Variants in GGT5 observed in about 807,000 individuals in gnomAD.
GGT5 encodes the protein glutathione hydrolase 5 proenzyme.
Under a neutral mutation model 58.1 loss-of-function variants are expected in GGT5, and 50 were observed. That is an observed-to-expected ratio of 0.86 (90% CI 0.69 to 1.09). The LOEUF is 1.09. Ranked by LOEUF, GGT5 falls within the 50% of genes least tolerant of loss-of-function variation. The pLI is 0.00. For synonymous variants in GGT5, 370 were observed against 346.1 expected, an observed-to-expected ratio of 1.07 and a Z score of -0.77; for missense variants, 800 against 789.4, an observed-to-expected ratio of 1.01 and a Z score of -0.16.
At chr22:24,228,453 G>GTTT (rs61344424) in intron 6 of GGT5, among the ~76,000 whole-genome samples, 1 of 136,988 alleles carries the variant, frequency 7.3e-6, no homozygotes. Context: ...TTTCAAAACA[G>GTTT]TTTTTTTTTT....
intron 1 of GGT5, among the ~76,000 whole-genome samples, chr22:24,236,104 T>C (rs6004109): frequency 0.18 from 27,112 of 152,178 alleles, 2,569 homozygotes; most frequent in Admixed American, 0.26. Flanking sequence ...TCGAGACACT[T>C]ATACCCAGCT....
Position 24,232,222 on chromosome 22 carries a change from G to T in GGT5, c.597-14C>A. ...AAGAAGAGCTGGCTGGGGGGTGGGG[G>T]GAGCCTCAGGGTGGGGCCAGGTCCC... On this transcript the variant is annotated splice_polypyrimidine_tract_variant and intron_variant, in intron 4 of 11. Transcript: ENST00000327365. 1 of 1,387,410 alleles carries T rather than the reference G, an allele frequency of 7.2e-7. No individual in the cohort carries two copies. Among genetic ancestry groups the T allele is most frequent in the Non-Finnish European group, 9.8e-7 (1 of 1,024,130 alleles). 85.9% of individuals were successfully genotyped at this position (1,387,410 alleles called of 1,614,324 possible).
chr22:24,235,211 A>C (rs915335417), intron 1 of GGT5, among the ~76,000 whole-genome samples: 6 of 152,076 alleles, frequency 3.9e-5, no homozygotes, highest in Middle Eastern at 6.8e-3. Flanking sequence ...GGCATGCACC[A>C]CCACGCCTGA....
At chr22:24,240,519 C>A (rs2048299701) in intron 1 of GGT5, among the ~76,000 whole-genome samples, 1 of 150,816 alleles carries the variant, frequency 6.6e-6, no homozygotes, top group South Asian at 2.1e-4. Flanking sequence ...GATAGAGCCT[C>A]ACTCTGTCTC....
chr22:24,235,674 A>G, intron 1 of GGT5, among the ~76,000 whole-genome samples: 1 of 152,254 alleles, frequency 6.6e-6, no homozygotes, highest in Non-Finnish European at 1.5e-5. Flanking sequence ...ATAAGAATAA[A>G]ACACCATAAA....
chr22:24,219,713 G>A lies in GGT5; in HGVS notation c.*257C>T, dbSNP rs2047533478. The A allele has an allele frequency of 3.9e-6, 2 of 510,428 alleles. No individual in the cohort carries two copies. The highest frequency in any genetic ancestry group is 5.4e-4 in the Middle Eastern group (1 of 1,836). The allele number at this position is 510,428 out of a possible 1,614,324, so 31.6% of individuals were successfully genotyped here. Reference sequence around the variant, plus strand: ...GAGGATATACAGATCGAGAGGGTGGGAGAGTGGCCCCAGGCAAGAGGCCTG... The same window carrying A: ...GAGGATATACAGATCGAGAGGGTGGAAGAGTGGCCCCAGGCAAGAGGCCTG... On this transcript the variant is annotated 3_prime_UTR_variant, in exon 12 of 12. Transcript: ENST00000327365.
chr22:24,237,027 T>C (rs1028540279), intron 1 of GGT5, among the ~76,000 whole-genome samples: 14 of 147,876 alleles, frequency 9.5e-5, no homozygotes, highest in Non-Finnish European at 1.8e-4. Context: ...TTTTTTTTGC[T>C]TTTTATTTTT....
At chr22:24,226,502 C>A (rs8142702) in intron 7 of GGT5, 129 bp downstream of exon 7, 25,162 of 1,038,036 alleles carry the variant, frequency 0.024, 506 homozygotes, top group African/African-American at 0.081. Context: ...CCCTTTCAGT[C>A]CTGCCCTGGC....
Position 24,232,974 on chromosome 22 carries a change from C to A in GGT5, c.445G>T (p.Glu149Ter). Reference protein sequence around the residue: ...GVPGELRGYAEAHRRHGRLPW... With the variant: ...GVPGELRGYA ...AGGCGGCCATGGCGGCGGTGGGCCT[C>A]GGCATAGCCACGGAGCTCCCCGGGC... The change falls in exon 4 of 12, where the codon GAG becomes TAG. Residue 149 changes from glutamate to a stop codon, truncating the protein, a stop_gained. Coordinates refer to ENST00000327365, the MANE Select transcript of GGT5 (RefSeq NM_004121.5). LOFTEE classifies it high-confidence loss of function. 1 of 1,561,394 alleles carries A rather than the reference C, an allele frequency of 6.4e-7. No homozygotes were observed. The highest frequency in any genetic ancestry group is 2.4e-5 in the East Asian group (1 of 41,898).
At position 24,229,356 on chromosome 22, in the gene GGT5, G is replaced by A. The variant is rs538712432; in HGVS notation, c.901+2028C>T. ...CAGGAGGCAGAGTTTGTAGTGAACC[G>A]AGACGCACCATTGCACTCCAGCCTT... On this transcript the variant is annotated intron_variant, in intron 6 of 11. Transcript: ENST00000327365. Among the ~76,000 whole-genome samples the A allele has an allele frequency of 4.0e-5, 6 of 151,324 alleles. 1 individual carries two copies. Among genetic ancestry groups the A allele is most frequent in the Admixed American group, 2.0e-4 (3 of 15,156 alleles).
In GGT5 at chr22:24,239,231, C is replaced by T. The variant is rs368552592; in HGVS notation, c.174-5227G>A. Among the ~76,000 whole-genome samples the T allele has an allele frequency of 1.1e-4, 17 of 150,160 alleles. No homozygotes were observed. The East Asian group carries it at 1.2e-3, about 10-fold the overall frequency. On this transcript the variant is annotated intron_variant, in intron 1 of 11. Coordinates refer to ENST00000327365, the MANE Select transcript of GGT5 (RefSeq NM_004121.5). ...GCGGGTGACTGTAGTCCCAGCTACT[C>T]GGGAGGCTGAAGCAGGAGAATGGCG... is the stretch of plus-strand genomic sequence containing the variant.
chr22:24,238,795 T>A (rs12169182), intron 1 of GGT5, among the ~76,000 whole-genome samples: 21 of 9,726 alleles, frequency 2.2e-3, no homozygotes, highest in East Asian at 0.021. Flanking sequence ...TATTATATAT[T>A]TATATATATA....
chr22:24,235,671 T>G (rs1464531242), intron 1 of GGT5, among the ~76,000 whole-genome samples: 1 of 152,124 alleles, frequency 6.6e-6, no homozygotes, highest in Non-Finnish European at 1.5e-5. Flanking sequence ...TTTATAAGAA[T>G]AAAACACCAT....
rs192350284 is a variant in GGT5, at chr22:24,237,163, G to A, written c.174-3159C>T. 5.3e-5 allele frequency among the ~76,000 whole-genome samples: 8 copies of A among 152,160 alleles called. No homozygotes were observed. The East Asian group carries it at 1.2e-3, about 22-fold the overall frequency. On this transcript the variant is annotated intron_variant, in intron 1 of 11. Transcript: ENST00000327365. ...CAATCCTCCTGCCTCAGTCTCCTGA[G>A]TAGCTGGGACTATAGGCGTGAGCCA...
chr22:24,231,603 G>A (rs1756004282), intron 5 of GGT5, 73 bp from the exon 6 acceptor site: 1 of 1,421,332 alleles, frequency 7.0e-7, no homozygotes, highest in East Asian at 2.5e-5. Flanking sequence ...CTGCTGTCAG[G>A]TCACACAATG....
rs1238224168 is a variant in GGT5, at chr22:24,225,352, G to A, written c.1396C>T (p.Arg466Cys). ...GAGGGCACCATGGAGGATGGGGAAC[G>A]CTCGCCTGGAACTGGGGGCCAGCAC... ...GRCWPPVPGE[R>C]SPSSMVPSIL... The change falls in exon 10 of 12, where the codon CGT (arginine) becomes TGT (cysteine). Residue 466 changes from arginine to cysteine, a missense_variant. Coordinates refer to ENST00000327365, the MANE Select transcript of GGT5 (RefSeq NM_004121.5). 6.2e-6 allele frequency: 10 copies of A among 1,612,958 alleles called. No homozygotes were observed. The South Asian group carries it at 6.6e-5, about 11-fold the overall frequency.
At chr22:24,235,759 A>T (rs985428618) in intron 1 of GGT5, among the ~76,000 whole-genome samples, 4 of 152,146 alleles carry the variant, frequency 2.6e-5, no homozygotes, top group Admixed American at 6.5e-5. Flanking sequence ...TTCCTAACTA[A>T]ATGGAGTGCA....
chr22:24,232,122 G>T lies in GGT5; in HGVS notation c.683C>A (p.Ala228Asp). ...PALATTLETV[A>D]TEGVEVFYTG... ...GTAGAAGACCTCCACGCCCTCTGTGGCCACGGTCTCCAGGGTGGTGGCCAG... is the reference window on the plus strand; with the variant it reads ...GTAGAAGACCTCCACGCCCTCTGTGTCCACGGTCTCCAGGGTGGTGGCCAG... The change falls in exon 5 of 12, where the codon GCC becomes GAC. Residue 228 changes from alanine to aspartate, a missense_variant. Ala to Asp is a moderately radical substitution (Grantham distance 126, BLOSUM62 -2). Transcript: ENST00000327365. 6.2e-7 allele frequency: 1 copy of T among 1,610,364 alleles called. No individual in the cohort carries two copies. Among genetic ancestry groups the T allele is most frequent in the Non-Finnish European group, 8.5e-7 (1 of 1,177,826 alleles).
Position 24,225,111 on chromosome 22 carries a change from G to A in GGT5, c.1504-5C>T, listed in dbSNP as rs1463576507. 2 of 1,599,250 alleles carry A rather than the reference G, an allele frequency of 1.3e-6. No individual in the cohort carries two copies. The highest frequency in any genetic ancestry group is 2.3e-5 in the East Asian group (1 of 44,064). ...CCACAGCTTGCTCATGATGGCCTGG[G>A]GGAGAGATGAGGGTTTCAGGGAGAA... On this transcript the variant is annotated splice_polypyrimidine_tract_variant and splice_region_variant and intron_variant, in intron 10 of 11. Coordinates refer to ENST00000327365, the MANE Select transcript of GGT5 (RefSeq NM_004121.5).
Sources: gnomAD v4.1 joint callset for allele counts (sites outside exome capture counted in the v4.1 genomes callset) on GRCh38, gnomAD v4.1.1 for gene constraint, MANE v1.5 for transcripts, NCBI Gene and HGNC (gene_info 2026-07-23, HGNC 2026-07-21) for gene names.